The following EDN1 variants were observed in gnomAD, a reference collection of about 807,000 sequenced individuals.
EDN1 encodes endothelin 1.
Under a neutral mutation model 21.7 loss-of-function variants are expected in EDN1, and 11 were observed. The ratio of observed to expected loss-of-function variants is 0.51; its 90% CI spans 0.32 to 0.84. EDN1 has a LOEUF of 0.84. Among genes scored for constraint, EDN1 ranks in the 40% least tolerant of loss-of-function variants. The pLI is 0.03. For synonymous variants in EDN1, 85 were observed against 90.6 expected, an observed-to-expected ratio of 0.94 and a Z score of 0.35; for missense variants, 244 against 262.3, an observed-to-expected ratio of 0.93 and a Z score of 0.48.
upstream of EDN1, among the ~76,000 whole-genome samples, chr6:12,287,094 G>A (rs925347754): frequency 2.0e-5 from 3 of 151,240 alleles, no homozygotes; most frequent in Non-Finnish European, 4.4e-5. Flanking sequence ...TCCAGCCTTG[G>A]AGACAGAGTG....
chr6:12,294,430 G>T (rs1476164841), intron 4 of EDN1, 26 bp downstream of exon 4: 12 of 1,613,546 alleles, frequency 7.4e-6, no homozygotes, highest in Non-Finnish European at 1.0e-5. Flanking sequence ...GAAAAATTAG[G>T]TAAGAGGTTC....
chr6:12,230,823 G>T, the EDN1 span, among the ~76,000 whole-genome samples: 2 of 152,140 alleles, frequency 1.3e-5, no homozygotes, highest in African/African-American at 4.8e-5. Context: ...TGAATAATGA[G>T]AATTGACTGT....
chr6:12,258,449 C>CAAAAAAAAAAAAAAAAAAAAA, the EDN1 span, among the ~76,000 whole-genome samples: 5 of 63,670 alleles, frequency 7.9e-5, no homozygotes, highest in African/African-American at 2.5e-4. Flanking sequence ...GATCATGTCT[C>CAAAAAAAAAAAAAAAAAAAAA]AAAAAAAAAA....
chr6:12,263,850 T>C, the EDN1 span, among the ~76,000 whole-genome samples: 2 of 152,346 alleles, frequency 1.3e-5, no homozygotes, highest in African/African-American at 4.8e-5. Flanking sequence ...GGAAACTGTC[T>C]TTGTCAACTA....
chr6:12,235,349 T>C, the EDN1 span, among the ~76,000 whole-genome samples: 1 of 152,202 alleles, frequency 6.6e-6, no homozygotes, highest in Non-Finnish European at 1.5e-5. Flanking sequence ...CATGGTGACT[T>C]CCACATAGCA....
chr6:12,249,687 T>G, the EDN1 span, among the ~76,000 whole-genome samples: 1 of 152,032 alleles, frequency 6.6e-6, no homozygotes, highest in East Asian at 1.9e-4. Context: ...TATGGCTGTG[T>G]ACATCCTGGA....
At chr6:12,273,519 C>G in the EDN1 span, among the ~76,000 whole-genome samples, 1 of 147,384 alleles carries the variant, frequency 6.8e-6, no homozygotes, top group Non-Finnish European at 1.5e-5. Context: ...AAATTTAAGA[C>G]AATACCAAAT....
the EDN1 span, among the ~76,000 whole-genome samples, chr6:12,276,428 G>GA: frequency 3.3e-5 from 5 of 152,160 alleles, no homozygotes; most frequent in African/African-American, 1.2e-4. Flanking sequence ...CAAAAGCTGG[G>GA]AAAACAAAGA....
the EDN1 span, among the ~76,000 whole-genome samples, chr6:12,284,752 A>T: frequency 7.5e-4 from 95 of 126,662 alleles, no homozygotes; most frequent in African/African-American, 2.5e-3. Flanking sequence ...AGGAAGGAAG[A>T]AAGAAAGAAA....
chr6:12,269,621 T>C, the EDN1 span, among the ~76,000 whole-genome samples: 1 of 152,124 alleles, frequency 6.6e-6, no homozygotes, highest in African/African-American at 2.4e-5. Context: ...TTGATTTAGG[T>C]ATGCTGAACC....
the EDN1 span, among the ~76,000 whole-genome samples, chr6:12,233,307 G>A: frequency 2.0e-5 from 3 of 152,170 alleles, no homozygotes; most frequent in African/African-American, 7.2e-5. Context: ...AAGCCTAAAT[G>A]TTCATGGATG....
At chr6:12,293,145 G>A (rs1464898811) in intron 2 of EDN1, among the ~76,000 whole-genome samples, 2 of 152,118 alleles carry the variant, frequency 1.3e-5, no homozygotes, top group Non-Finnish European at 2.9e-5. Context: ...CTTCTGCCCT[G>A]GACACTAGTT....
At chr6:12,289,959 T>A (rs997285847), upstream of EDN1, among the ~76,000 whole-genome samples, 7 of 152,098 alleles carry the variant, frequency 4.6e-5, no homozygotes, top group Admixed American at 2.0e-4. Context: ...TTAAAAAAAA[T>A]TCCCCGCACA....
the EDN1 span, among the ~76,000 whole-genome samples, chr6:12,232,613 C>T: frequency 6.6e-6 from 1 of 151,898 alleles, no homozygotes; most frequent in African/African-American, 2.4e-5. Flanking sequence ...TTAGTGGTTT[C>T]GTTATTAGAA....
chr6:12,272,609 C>A, the EDN1 span, among the ~76,000 whole-genome samples: 1 of 147,992 alleles, frequency 6.8e-6, no homozygotes, highest in Non-Finnish European at 1.5e-5. Context: ...AGGCATGCGC[C>A]ACTATGCCCA....
the EDN1 span, among the ~76,000 whole-genome samples, chr6:12,244,322 C>T: frequency 6.6e-6 from 1 of 152,090 alleles, no homozygotes; most frequent in East Asian, 1.9e-4. Context: ...GAATATTTGA[C>T]CTTTCAAATG....
At chr6:12,259,743 C>A in the EDN1 span, among the ~76,000 whole-genome samples, 1 of 151,812 alleles carries the variant, frequency 6.6e-6, no homozygotes, top group African/African-American at 2.4e-5. Context: ...ATATTACAAA[C>A]TTATGGAGAA....
chr6:12,289,485 G>A (rs541929259), upstream of EDN1, among the ~76,000 whole-genome samples: 4 of 152,170 alleles, frequency 2.6e-5, no homozygotes, highest in African/African-American at 9.6e-5. Context: ...TTTTGTCCTA[G>A]TAAAACATCA....
At chr6:12,235,758 A>C in the EDN1 span, among the ~76,000 whole-genome samples, 1 of 152,248 alleles carries the variant, frequency 6.6e-6, no homozygotes. Context: ...ATAGGTGACT[A>C]TTGAGCATTT....
Sources: allele counts gnomAD v4.1 joint callset (sites outside exome capture counted in the v4.1 genomes callset), GRCh38; gene constraint gnomAD v4.1.1; transcripts MANE v1.5; gene names NCBI Gene and HGNC (gene_info 2026-07-23, HGNC 2026-07-21).